Variants in SERPINI1 observed in about 807,000 individuals in gnomAD.
The protein encoded by SERPINI1 is serpin family I member 1.
Under a neutral mutation model 41.1 loss-of-function variants are expected in SERPINI1, and 19 were observed. The observed-to-expected ratio is 0.46, with a 90% CI of 0.32 to 0.68. The LOEUF is 0.68. SERPINI1 is among the 30% of genes least tolerant of loss of function. SERPINI1 has a pLI of 0.03. For synonymous variants in SERPINI1, 138 were observed against 156.6 expected, an observed-to-expected ratio of 0.88 and a Z score of 0.89; for missense variants, 460 against 479.2, an observed-to-expected ratio of 0.96 and a Z score of 0.37.
intron 1 of SERPINI1, among the ~76,000 whole-genome samples, chr3:167,747,389 A>G (rs1329507442): frequency 6.6e-6 from 1 of 152,208 alleles, no homozygotes; most frequent in Non-Finnish European, 1.5e-5. Flanking sequence ...TCAAGCCTGT[A>G]ATCCCAGCAC....
chr3:167,774,096 T>C (rs1289022915), intron 1 of SERPINI1, among the ~76,000 whole-genome samples: 1 of 152,206 alleles, frequency 6.6e-6, no homozygotes, highest in Non-Finnish European at 1.5e-5. Flanking sequence ...TCCAGATATC[T>C]AAATTAGTAT....
Position 167,789,313 on chromosome 3 carries a change from T to G in SERPINI1, c.185T>G (p.Leu62Arg). Reference protein sequence around the residue: ...SIALAMGMMELGAQGSTQKEI... With the variant: ...SIALAMGMMERGAQGSTQKEI... ...GCTCTTGCAATGGGAATGATGGAAC[T>G]TGGGGCCCAAGGATCTACCCAGAAA... The change falls in exon 2 of 9, where the codon CTT (leucine) becomes CGT (arginine). Residue 62 changes from leucine to arginine, a missense_variant. Leu to Arg is a moderately radical substitution (Grantham distance 102). Transcript: ENST00000446050. The G allele has an allele frequency of 6.2e-7, 1 of 1,614,200 alleles. No homozygotes were observed.
At chr3:167,742,395 G>A (rs1725708627) in intron 1 of SERPINI1, among the ~76,000 whole-genome samples, 1 of 152,190 alleles carries the variant, frequency 6.6e-6, no homozygotes. Flanking sequence ...GAGGAGAGTA[G>A]TTGTTTGCTT....
chr3:167,799,536 A>C (rs1313512029), intron 5 of SERPINI1, among the ~76,000 whole-genome samples: 1 of 152,210 alleles, frequency 6.6e-6, no homozygotes, highest in Non-Finnish European at 1.5e-5. Flanking sequence ...AGAATGATTT[A>C]TAATCCTTTG....
chr3:167,767,204 T>C (rs540438254), intron 1 of SERPINI1, among the ~76,000 whole-genome samples: 12 of 152,208 alleles, frequency 7.9e-5, no homozygotes, highest in Admixed American at 2.6e-4. Flanking sequence ...TTAGGGCACT[T>C]AAGAATTATG....
chr3:167,767,215 C>T (rs993935959), intron 1 of SERPINI1, among the ~76,000 whole-genome samples: 1 of 152,190 alleles, frequency 6.6e-6, no homozygotes, highest in Non-Finnish European at 1.5e-5. Flanking sequence ...AAGAATTATG[C>T]TAAATCTACT....
chr3:167,793,363 T>G lies in SERPINI1; in HGVS notation c.676+579T>G, dbSNP rs145999042. Among the ~76,000 whole-genome samples the G allele has an allele frequency of 3.8e-3, 585 of 152,144 alleles. 1 individual carries two copies. The highest frequency in any genetic ancestry group is 0.014 in the African/African-American group (561 of 41,524). On this transcript the variant is annotated intron_variant, in intron 4 of 8. Coordinates refer to ENST00000446050, the MANE Select transcript of SERPINI1 (RefSeq NM_001122752.2). ...AGTCCTTCTTATCCACTATATTGAC[T>G]TGTAATAATTTGTTAAGTCATAATC... is the stretch of plus-strand genomic sequence containing the variant.
At chr3:167,801,880 C>G (rs192231094) in intron 5 of SERPINI1, among the ~76,000 whole-genome samples, 1 of 152,224 alleles carries the variant, frequency 6.6e-6, no homozygotes, top group African/African-American at 2.4e-5. Context: ...CTTACAAACA[C>G]CTAGATTTTA....
chr3:167,785,000 T>C (rs1176755829), intron 1 of SERPINI1, among the ~76,000 whole-genome samples: 3 of 152,172 alleles, frequency 2.0e-5, no homozygotes, highest in Non-Finnish European at 4.4e-5. Context: ...CCCAGCACTT[T>C]GGGAGGCCGA....
chr3:167,784,321 T>C (rs1246575986), intron 1 of SERPINI1, among the ~76,000 whole-genome samples: 1 of 152,224 alleles, frequency 6.6e-6, no homozygotes, highest in African/African-American at 2.4e-5. Context: ...ATATTAATTG[T>C]ACACTCTTGC....
chr3:167,743,578 C>T lies in SERPINI1; in HGVS notation c.-19+7755C>T, dbSNP rs577312781. Among the ~76,000 whole-genome samples the T allele has an allele frequency of 7.2e-5, 11 of 152,114 alleles. No homozygotes were observed. In the South Asian group the frequency reaches 2.3e-3, roughly 32 times the overall value. ...TGTTACCCTAGGTGAATGGCTTTAT[C>T]GGGATAAAGCTTTCCAGATAAGAGT... On this transcript the variant is annotated intron_variant, in intron 1 of 8. Coordinates refer to ENST00000446050, the MANE Select transcript of SERPINI1 (RefSeq NM_001122752.2).
At chr3:167,803,480 C>T (rs532899709) in intron 5 of SERPINI1, among the ~76,000 whole-genome samples, 1 of 152,146 alleles carries the variant, frequency 6.6e-6, no homozygotes, top group East Asian at 1.9e-4. Flanking sequence ...TTAATGGTAT[C>T]TACTCCTCGT....
At chr3:167,792,350 CATATATATATACACACAT>C (rs1374643900) in intron 3 of SERPINI1, among the ~76,000 whole-genome samples, 6 of 142,282 alleles carry the variant, frequency 4.2e-5, no homozygotes, top group East Asian at 4.0e-4. Context: ...TATACACACA[CATATATATATACACACAT>C]ATATATATAT....
In SERPINI1 at chr3:167,749,072, TCA is replaced by T. The variant is rs989590295; in HGVS notation, c.-19+13250_-19+13251del. 2.2e-4 allele frequency among the ~76,000 whole-genome samples: 33 copies of T among 152,212 alleles called. 1 individual carries two copies. Among genetic ancestry groups the T allele is most frequent in the African/African-American group, 6.5e-4 (27 of 41,458 alleles). On this transcript the variant is annotated intron_variant, in intron 1 of 8. Transcript: ENST00000446050. ...TTACAAGGATTATATTTATGTACAT[TCA>T]GTTTGCTTCATGTTATTAAAAATTA...
intron 1 of SERPINI1, among the ~76,000 whole-genome samples, chr3:167,781,633 CCTTT>C (rs1286014606): frequency 5.9e-4 from 77 of 129,660 alleles, no homozygotes; most frequent in African/African-American, 1.7e-3. Context: ...TTTCTTTTGG[CCTTT>C]TTTTTTTTTT....
At chr3:167,802,088 A>G (rs1171678561) in intron 5 of SERPINI1, among the ~76,000 whole-genome samples, 2 of 152,094 alleles carry the variant, frequency 1.3e-5, no homozygotes, top group Non-Finnish European at 2.9e-5. Context: ...GAAAGCTGAA[A>G]CTGGATCCCT....
intron 1 of SERPINI1, among the ~76,000 whole-genome samples, chr3:167,750,150 C>T (rs1222836423): frequency 6.6e-6 from 1 of 152,060 alleles, no homozygotes; most frequent in Non-Finnish European, 1.5e-5. Flanking sequence ...GATAAAACAC[C>T]CAGCCGGGAT....
intron 1 of SERPINI1, among the ~76,000 whole-genome samples, chr3:167,751,722 C>A (rs952396865): frequency 4.0e-5 from 6 of 151,630 alleles, no homozygotes; most frequent in Non-Finnish European, 7.4e-5. Context: ...TCATATGCAG[C>A]GTTATGTATG....
intron 1 of SERPINI1, among the ~76,000 whole-genome samples, chr3:167,776,082 A>G (rs1036639008): frequency 3.3e-5 from 5 of 152,198 alleles, no homozygotes; most frequent in African/African-American, 1.2e-4. Flanking sequence ...TAGGGAAGAG[A>G]TCAAACAGTA....
Sources: allele counts gnomAD v4.1 joint callset (sites outside exome capture counted in the v4.1 genomes callset), GRCh38; gene constraint gnomAD v4.1.1; transcripts MANE v1.5; gene names NCBI Gene and HGNC (gene_info 2026-07-23, HGNC 2026-07-21).